The following CAMTA1 variants were observed in gnomAD, a reference collection of about 807,000 sequenced individuals.
CAMTA1 encodes calmodulin-binding transcription activator 1.
Under a neutral mutation model 170.9 loss-of-function variants are expected in CAMTA1, and 27 were observed. That is an observed-to-expected ratio of 0.16 (90% CI 0.12 to 0.22). The LOEUF (loss-of-function observed/expected upper bound fraction) is 0.22. CAMTA1 is among the 10% of genes least tolerant of loss of function. The pLI is 1.00. For synonymous variants in CAMTA1, 833 were observed against 891.5 expected, an observed-to-expected ratio of 0.93 and a Z score of 1.17; for missense variants, 1,619 against 2,217.2, an observed-to-expected ratio of 0.73 and a Z score of 5.42.
intron 6 of CAMTA1, among the ~76,000 whole-genome samples, chr1:7,626,342 G>A (rs115983525): frequency 0.02 from 3,032 of 152,254 alleles, 42 homozygotes; most frequent in South Asian, 0.055. Context: ...TTGAGTGCAG[G>A]GGCTCCCCAG....
intron 6 of CAMTA1, among the ~76,000 whole-genome samples, chr1:7,610,021 G>A (rs986155444): frequency 5.9e-5 from 9 of 152,182 alleles, no homozygotes; most frequent in Admixed American, 2.6e-4. Flanking sequence ...CTCACAGGAG[G>A]GAGCTGTGCA....
chr1:7,375,883 G>A (rs906969590), intron 5 of CAMTA1, among the ~76,000 whole-genome samples: 11 of 152,230 alleles, frequency 7.2e-5, no homozygotes, highest in African/African-American at 1.2e-4. Flanking sequence ...GTGGACAGAA[G>A]GGGGCAGGGA....
intron 5 of CAMTA1, among the ~76,000 whole-genome samples, chr1:7,391,530 C>CT (rs1486337604): frequency 6.6e-6 from 1 of 152,180 alleles, no homozygotes; most frequent in Non-Finnish European, 1.5e-5. Context: ...AAAATTCCGA[C>CT]TTTCTGTGGC....
intron 3 of CAMTA1, among the ~76,000 whole-genome samples, chr1:6,952,015 C>T: frequency 6.6e-6 from 1 of 152,254 alleles, no homozygotes; most frequent in South Asian, 2.1e-4. Flanking sequence ...TGTCCAGCCT[C>T]TGCCCAGTGA....
In CAMTA1 at chr1:7,732,581, T is replaced by C; in HGVS notation, c.3048T>C (p.Asn1016=). The change falls in exon 12 of 23, where the codon AAT becomes AAC. Residue 1016 remains asparagine, a synonymous_variant. Coordinates refer to ENST00000303635, the MANE Select transcript of CAMTA1 (RefSeq NM_015215.4). This position sits in a 1 kb window ranked among gnomAD's most constrained non-coding sequence, Gnocchi z 4.1. ...GSSGGGSGSG[N]GGSQAQCASG... ...GTGGAGGCGGCAGCGGGAGCGGGAATGGAGGGAGCCAGGCACAGGTACGAG... is the reference window on the plus strand; with the variant it reads ...GTGGAGGCGGCAGCGGGAGCGGGAACGGAGGGAGCCAGGCACAGGTACGAG... 6 of 1,609,418 alleles carry C rather than the reference T, an allele frequency of 3.7e-6. No homozygotes were observed. The highest frequency in any genetic ancestry group is 4.2e-6 in the Non-Finnish European group (5 of 1,178,306).
intron 3 of CAMTA1, among the ~76,000 whole-genome samples, chr1:6,832,600 T>C (rs1439281412): frequency 6.6e-6 from 1 of 152,140 alleles, no homozygotes; most frequent in Non-Finnish European, 1.5e-5. Flanking sequence ...TTCCTAAATG[T>C]GAGCTAAGCT....
chr1:7,630,139 G>A (rs778338858), intron 6 of CAMTA1, among the ~76,000 whole-genome samples: 18 of 152,252 alleles, frequency 1.2e-4, no homozygotes, highest in Non-Finnish European at 1.8e-4. Flanking sequence ...TGGGCAGCCA[G>A]GTCTTGCTGC....
At chr1:7,677,204 C>T (rs2096130084) in intron 10 of CAMTA1, among the ~76,000 whole-genome samples, 2 of 152,168 alleles carry the variant, frequency 1.3e-5, no homozygotes, top group South Asian at 4.1e-4. Context: ...AAATCCAAAG[C>T]AAATTTTGTA....
intron 18 of CAMTA1, among the ~76,000 whole-genome samples, chr1:7,747,005 A>C (rs1158140663): frequency 1.3e-5 from 2 of 152,216 alleles, no homozygotes; most frequent in African/African-American, 4.8e-5. Context: ...AACAAATTTC[A>C]TGAGTTCATA....
intron 4 of CAMTA1, among the ~76,000 whole-genome samples, chr1:7,127,646 G>A (rs1645012564): frequency 1.3e-5 from 2 of 152,174 alleles, no homozygotes; most frequent in Non-Finnish European, 2.9e-5. Context: ...AAGCAGGCAC[G>A]ATGCTTGTCC....
chr1:7,046,056 G>C (rs771465813), intron 3 of CAMTA1, among the ~76,000 whole-genome samples: 1 of 152,160 alleles, frequency 6.6e-6, no homozygotes, highest in African/African-American at 2.4e-5. Context: ...GCCTTGGTTG[G>C]GAGGGGACCC....
intron 3 of CAMTA1, among the ~76,000 whole-genome samples, chr1:6,878,148 C>T (rs1670463800): frequency 6.6e-6 from 1 of 152,232 alleles, no homozygotes; most frequent in Non-Finnish European, 1.5e-5. Flanking sequence ...ATCTTGCAAA[C>T]ATGCAAAGCT....
chr1:7,159,752 T>A (rs1181847832), intron 4 of CAMTA1, among the ~76,000 whole-genome samples: 3 of 152,136 alleles, frequency 2.0e-5, no homozygotes, highest in African/African-American at 7.2e-5. Context: ...CTTGCTGTGT[T>A]GCACAGGCTG....
intron 3 of CAMTA1, among the ~76,000 whole-genome samples, chr1:6,968,193 C>T (rs1054016818): frequency 4.6e-5 from 7 of 152,082 alleles, no homozygotes; most frequent in African/African-American, 7.2e-5. Context: ...CTTGGTGTGC[C>T]GAGAAAACGG....
intron 19 of CAMTA1, 138 bp downstream of exon 19, chr1:7,747,919 T>G: frequency 2.4e-6 from 1 of 409,826 alleles, no homozygotes; most frequent in Non-Finnish European, 4.3e-6. Context: ...TTTTTTTTTT[T>G]ATTTTTTTTT....
At chr1:7,672,971 A>G (rs2149241581) in intron 10 of CAMTA1, among the ~76,000 whole-genome samples, 1 of 152,296 alleles carries the variant, frequency 6.6e-6, no homozygotes, top group African/African-American at 2.4e-5. Flanking sequence ...GGTGGCAGCC[A>G]GGCCGGGTCT....
chr1:7,361,778 C>T (rs186503545), intron 5 of CAMTA1, among the ~76,000 whole-genome samples: 189 of 152,230 alleles, frequency 1.2e-3, no homozygotes, highest in African/African-American at 4.3e-3. Context: ...GGGATTATCC[C>T]GACTCATCTG....
chr1:7,074,039 T>C (rs1638986077), intron 3 of CAMTA1, among the ~76,000 whole-genome samples: 1 of 152,196 alleles, frequency 6.6e-6, no homozygotes, highest in Admixed American at 6.5e-5. Flanking sequence ...TACTGACTGC[T>C]GCCTGTCTGA....
chr1:7,355,834 T>C (rs1232809230), intron 5 of CAMTA1, among the ~76,000 whole-genome samples: 2 of 32 alleles, frequency 0.062, no homozygotes, highest in Non-Finnish European at 0.091. Flanking sequence ...TTGCTGGTTC[T>C]TGGCGTTGCA....
Sources: gnomAD v4.1 joint callset for allele counts (sites outside exome capture counted in the v4.1 genomes callset) on GRCh38, gnomAD v4.1.1 for gene constraint, Gnocchi (gnomAD v3.1) non-coding constraint, MANE v1.5 for transcripts, NCBI Gene and HGNC (gene_info 2026-07-23, HGNC 2026-07-21) for gene names.